CDH13: variants seen among roughly 807,000 people sequenced by gnomAD.
CDH13 encodes the protein cadherin-13.
CDH13 carries 24 observed loss-of-function variants against 63.8 expected under a neutral mutation model. That is an observed-to-expected ratio of 0.38 (90% CI 0.27 to 0.53). The LOEUF is 0.53. CDH13 is among the 20% of genes least tolerant of loss of function. The pLI is 0.85. For synonymous variants in CDH13, 503 were observed against 355.3 expected, an observed-to-expected ratio of 1.42 and a Z score of -4.67; for missense variants, 1,049 against 903.1, an observed-to-expected ratio of 1.16 and a Z score of -2.07.
chr16:83,178,792 C>G (rs771265729), intron 4 of CDH13, among the ~76,000 whole-genome samples: 2 of 152,018 alleles, frequency 1.3e-5, no homozygotes, highest in African/African-American at 4.8e-5. Flanking sequence ...ATCTTCCACT[C>G]GTTTCCTTGG....
At chr16:83,082,242 C>G (rs983629379) in intron 3 of CDH13, among the ~76,000 whole-genome samples, 1 of 152,196 alleles carries the variant, frequency 6.6e-6, no homozygotes, top group Non-Finnish European at 1.5e-5. Context: ...ATGTCTTTCT[C>G]ACATGCAAAA....
chr16:83,270,634 T>G (rs990780072), intron 5 of CDH13, among the ~76,000 whole-genome samples: 1 of 152,158 alleles, frequency 6.6e-6, no homozygotes, highest in African/African-American at 2.4e-5. Context: ...ATGAAGGCCC[T>G]CATTGACACA....
intron 1 of CDH13, among the ~76,000 whole-genome samples, chr16:82,636,506 G>A (rs1323510522): frequency 2.0e-5 from 3 of 152,186 alleles, no homozygotes; most frequent in Non-Finnish European, 4.4e-5. Flanking sequence ...ACATTGCCAA[G>A]CCCTTTAATC....
chr16:82,759,368 A>G (rs989264264), intron 1 of CDH13, among the ~76,000 whole-genome samples: 1 of 152,112 alleles, frequency 6.6e-6, no homozygotes, highest in African/African-American at 2.4e-5. Flanking sequence ...ATAAAATACT[A>G]CACCCATTTT....
At chr16:83,277,442 C>T (rs1257118319) in intron 5 of CDH13, among the ~76,000 whole-genome samples, 1 of 152,076 alleles carries the variant, frequency 6.6e-6, no homozygotes, top group Admixed American at 6.5e-5. Context: ...TAACAGATTC[C>T]TAGGTACAAT....
intron 4 of CDH13, among the ~76,000 whole-genome samples, chr16:83,196,659 T>C (rs1010192629): frequency 2.0e-5 from 3 of 152,110 alleles, no homozygotes; most frequent in African/African-American, 7.2e-5. Context: ...AAAGGGGATA[T>C]GAGGATAGCA....
intron 5 of CDH13, 64 bp downstream of exon 5, chr16:83,217,561 T>A: frequency 6.6e-7 from 1 of 1,516,578 alleles, no homozygotes; most frequent in Non-Finnish European, 9.0e-7. Flanking sequence ...ATTGTTTTCT[T>A]CCCACTGAGC....
intron 6 of CDH13, among the ~76,000 whole-genome samples, chr16:83,387,403 A>C (rs1054544789): frequency 3.3e-5 from 5 of 152,178 alleles, no homozygotes; most frequent in Non-Finnish European, 7.4e-5. Flanking sequence ...TGATTCCAGA[A>C]GGTATTGGGC....
At chr16:83,060,049 C>T (rs1380859886) in intron 3 of CDH13, among the ~76,000 whole-genome samples, 1 of 152,016 alleles carries the variant, frequency 6.6e-6, no homozygotes, top group Admixed American at 6.6e-5. Flanking sequence ...AAGCCTCGGC[C>T]TCCCAAATTG....
intron 5 of CDH13, among the ~76,000 whole-genome samples, chr16:83,320,505 T>G (rs757084877): frequency 1.3e-5 from 2 of 152,144 alleles, no homozygotes; most frequent in African/African-American, 4.8e-5. Context: ...GAGAAATAGA[T>G]CAAAACAAAT....
At chr16:83,246,674 G>C (rs1027027096) in intron 5 of CDH13, among the ~76,000 whole-genome samples, 2 of 152,110 alleles carry the variant, frequency 1.3e-5, no homozygotes, top group African/African-American at 4.8e-5. Flanking sequence ...CACTTGAACG[G>C]GTGAAATTAA....
chr16:83,504,083 G>A (rs2074344011), intron 7 of CDH13, among the ~76,000 whole-genome samples: 2 of 152,068 alleles, frequency 1.3e-5, no homozygotes, highest in Admixed American at 1.3e-4. Flanking sequence ...TAACAAACCT[G>A]CACAGTCTGC....
At chr16:83,577,512 C>A (rs1598318825) in intron 7 of CDH13, among the ~76,000 whole-genome samples, 1 of 152,188 alleles carries the variant, frequency 6.6e-6, no homozygotes, top group Non-Finnish European at 1.5e-5. Flanking sequence ...TTATTTAACA[C>A]CTTCTTTCTG....
intron 5 of CDH13, among the ~76,000 whole-genome samples, chr16:83,267,845 A>G (rs2088671451): frequency 6.6e-6 from 1 of 152,178 alleles, no homozygotes; most frequent in Admixed American, 6.5e-5. Context: ...ATGGACTAAG[A>G]CATCTTTTAT....
intron 8 of CDH13, among the ~76,000 whole-genome samples, chr16:83,667,188 G>A (rs1037510610): frequency 2.6e-5 from 4 of 152,114 alleles, no homozygotes; most frequent in Non-Finnish European, 4.4e-5. Flanking sequence ...GGACATATGA[G>A]GGCCACAATG....
chr16:83,587,990 C>A (rs1333356361), intron 7 of CDH13, among the ~76,000 whole-genome samples: 1 of 151,352 alleles, frequency 6.6e-6, no homozygotes, highest in Non-Finnish European at 1.5e-5. Flanking sequence ...AACCTCACCA[C>A]ATGAGGACCC....
At chr16:83,610,268 A>C (rs1054568622) in intron 8 of CDH13, among the ~76,000 whole-genome samples, 1 of 152,240 alleles carries the variant, frequency 6.6e-6, no homozygotes, top group Non-Finnish European at 1.5e-5. Context: ...ATATCACTCC[A>C]AATTAGTAAT....
chr16:83,290,301 A>G (rs932797172), intron 5 of CDH13, among the ~76,000 whole-genome samples: 9 of 152,134 alleles, frequency 5.9e-5, no homozygotes, highest in Admixed American at 5.2e-4. Flanking sequence ...TTGGTGCTGT[A>G]TCCCCACCCA....
At chr16:83,255,085 G>T (rs537857518) in intron 5 of CDH13, among the ~76,000 whole-genome samples, 3 of 151,754 alleles carry the variant, frequency 2.0e-5, no homozygotes, top group Non-Finnish European at 4.4e-5. Flanking sequence ...CAGATGGCTC[G>T]TGAAGCAGCA....
Sources: gnomAD v4.1 joint callset for allele counts (sites outside exome capture counted in the v4.1 genomes callset) on GRCh38, gnomAD v4.1.1 for gene constraint, MANE v1.5 for transcripts, NCBI Gene and HGNC (gene_info 2026-07-23, HGNC 2026-07-21) for gene names.